Variants in SEC14L5 observed in about 807,000 individuals in gnomAD.
SEC14L5 encodes the protein SEC14 like lipid binding 5, also known as SEC14-like protein 5.
A neutral mutation model predicts 84.6 loss-of-function variants in SEC14L5; 96 were observed. The ratio of observed to expected loss-of-function variants is 1.13; its 90% confidence interval spans 0.96 to 1.34. The LOEUF is 1.34. SEC14L5 is among the 40% of genes most tolerant of loss of function. The pLI, the probability that SEC14L5 is intolerant of heterozygous loss-of-function variation, is 0.00. For synonymous variants in SEC14L5, 546 were observed against 383.4 expected (o/e 1.42, Z -4.95); for missense variants, 1,224 against 942.5 (o/e 1.30, Z -3.91).
In SEC14L5 at chr16:5,006,050, T is replaced by C; in HGVS notation, c.1437+2T>C. ...GACTTCCTTGGGGGAGAGAGTGTGG[T>C]GAGGCTTCCATGTCCACAGACAGAC... On this transcript the variant is annotated splice_donor_variant, in intron 12 of 15. Coordinates refer to ENST00000251170, the MANE Select transcript of SEC14L5 (RefSeq NM_014692.2). LOFTEE classifies it high-confidence loss of function. The C allele has an allele frequency of 6.2e-7, 1 of 1,613,108 alleles. No homozygotes were observed. The highest frequency in any genetic ancestry group is 8.5e-7 in the Non-Finnish European group (1 of 1,179,566).
At chr16:4,960,700 A>G (rs1203260710) in intron 2 of SEC14L5, 3 of 152,140 alleles carry the variant, frequency 2.0e-5, no homozygotes, top group African/African-American at 4.8e-5. Context: ...TCCACTCCCC[A>G]TCACCAATGG....
chr16:4,989,445 C>T (rs1568127398), intron 4 of SEC14L5, among the ~76,000 whole-genome samples: 2 of 152,014 alleles, frequency 1.3e-5, no homozygotes, highest in East Asian at 3.9e-4. Flanking sequence ...GATTCTCTTG[C>T]CTCAGATTCT....
chr16:4,965,326 T>C (rs1955184612), intron 2 of SEC14L5, among the ~76,000 whole-genome samples: 1 of 152,176 alleles, frequency 6.6e-6, no homozygotes, highest in East Asian at 1.9e-4. Context: ...GCTATAAATA[T>C]TTATGCACAA....
Position 5,010,993 on chromosome 16 carries a change from C to A in SEC14L5, c.1801-102C>A, listed in dbSNP as rs980345728. The A allele has an allele frequency of 1.4e-5, 16 of 1,161,016 alleles. No individual in the cohort carries two copies. In the African/African-American group the frequency reaches 1.5e-4, roughly 11 times the overall value. 71.9% of individuals were successfully genotyped at this position (1,161,016 alleles called of 1,614,324 possible). Reference sequence around the variant, plus strand: ...GAGAAAGGGACAGAGGGAGAAGAGCCCCAATTTCCAGGCCTGGTGATGAGA... The same window carrying A: ...GAGAAAGGGACAGAGGGAGAAGAGCACCAATTTCCAGGCCTGGTGATGAGA... On this transcript the variant is annotated intron_variant, in intron 14 of 15. Coordinates refer to ENST00000251170, the MANE Select transcript of SEC14L5 (RefSeq NM_014692.2).
Position 5,008,433 on chromosome 16 carries a change from A to G in SEC14L5, c.1585A>G (p.Ile529Val). ...TGTCTCCACACAGGTGGCCGTGGAG[A>G]TCCTGGAAGGAGAGTCGGTCATCAC... ...RGAPHEVAVE[I>V]LEGESVITWD... Residue 529 changes from isoleucine to valine, a missense_variant, in exon 14 of 16, where the codon ATC (isoleucine) becomes GTC (valine). Coordinates refer to ENST00000251170, the MANE Select transcript of SEC14L5 (RefSeq NM_014692.2). 1 of 1,612,552 alleles carries G rather than the reference A, an allele frequency of 6.2e-7. No individual in the cohort carries two copies. Among genetic ancestry groups the G allele is most frequent in the Non-Finnish European group, 8.5e-7 (1 of 1,179,352 alleles).
intron 6 of SEC14L5, among the ~76,000 whole-genome samples, chr16:4,992,549 G>A (rs1379812973): frequency 3.9e-5 from 6 of 152,200 alleles, no homozygotes; most frequent in Admixed American, 3.9e-4. Context: ...GTTGCACCCG[G>A]CAAAAACTCA....
chr16:4,971,066 C>G (rs1284475533), intron 2 of SEC14L5, among the ~76,000 whole-genome samples: 1 of 148,466 alleles, frequency 6.7e-6, no homozygotes, highest in Non-Finnish European at 1.5e-5. Context: ...GATTGCACCA[C>G]TGCACTCCAG....
At chr16:4,986,945 G>C (rs75552383) in intron 2 of SEC14L5, among the ~76,000 whole-genome samples, 2,057 of 152,156 alleles carry the variant, frequency 0.014, 26 homozygotes, top group Non-Finnish European at 0.022. Context: ...GGATGCTTTA[G>C]GATTTTCTAT....
intron 11 of SEC14L5, among the ~76,000 whole-genome samples, chr16:5,005,416 A>T (rs1285591752): frequency 1.3e-5 from 2 of 151,124 alleles, no homozygotes; most frequent in Non-Finnish European, 3.0e-5. Context: ...ATGGGAAGTG[A>T]CGGTGGGGTG....
rs1955514829 is a variant in SEC14L5 at position 4,988,192 on chromosome 16, T to G, written c.257T>G (p.Leu86Trp). The G allele has an allele frequency of 1.9e-6, 3 of 1,613,822 alleles. No individual in the cohort carries two copies. The highest frequency in any genetic ancestry group is 1.7e-6 in the Non-Finnish European group (2 of 1,179,772). ...GTGGTCTTCGTGCAGACAAACATCT[T>G]GAACTGGAAGGAGAGGACGCTCCTC... Reference protein sequence around the residue: ...EHVVFVQTNILNWKERTLLIE... With the variant: ...EHVVFVQTNIWNWKERTLLIE... Residue 86 changes from leucine (L) to tryptophan (W), a missense_variant, in exon 4 of 16, where the codon TTG becomes TGG. Transcript: ENST00000251170.
At chr16:5,005,550 A>C (rs567026563) in intron 11 of SEC14L5, among the ~76,000 whole-genome samples, 38 of 149,710 alleles carry the variant, frequency 2.5e-4, no homozygotes, top group Non-Finnish European at 4.9e-4. Flanking sequence ...ATGTTGTATA[A>C]ATTATATCTC....
At chr16:4,996,608 A>C (rs545121243) in intron 7 of SEC14L5, 148 bp downstream of exon 7, 1 of 625,284 alleles carries the variant, frequency 1.6e-6, no homozygotes, top group East Asian at 2.8e-5. Context: ...CTGTGAGACA[A>C]AGTCTCACTC....
chr16:4,971,451 C>T (rs1053918537), intron 2 of SEC14L5, among the ~76,000 whole-genome samples: 1 of 152,146 alleles, frequency 6.6e-6, no homozygotes, highest in African/African-American at 2.4e-5. Flanking sequence ...AAAGCAAGAC[C>T]TTGTCTCAAA....
intron 11 of SEC14L5, among the ~76,000 whole-genome samples, chr16:5,005,483 C>T (rs1955720258): frequency 6.6e-6 from 1 of 151,936 alleles, no homozygotes; most frequent in South Asian, 2.1e-4. Flanking sequence ...GCTGGCTGCA[C>T]AAGCTAGTGA....
chr16:4,981,484 G>T (rs1955423376), intron 2 of SEC14L5, among the ~76,000 whole-genome samples: 1 of 152,062 alleles, frequency 6.6e-6, no homozygotes, highest in Non-Finnish European at 1.5e-5. Context: ...AGACTGAGCA[G>T]TAGAAGGAAG....
intron 4 of SEC14L5, 82 bp downstream of exon 4, chr16:4,988,362 C>G: frequency 6.6e-7 from 1 of 1,525,894 alleles, no homozygotes; most frequent in Non-Finnish European, 8.9e-7. Context: ...TGTGTCCCCA[C>G]ATTCCTTGAG....
chr16:4,993,592 C>A (rs1357240582), intron 6 of SEC14L5, among the ~76,000 whole-genome samples: 27 of 152,116 alleles, frequency 1.8e-4, no homozygotes, highest in Admixed American at 1.8e-3. Flanking sequence ...AGGAAACAAC[C>A]CTATTTAGGT....
Position 5,018,848 on chromosome 16 carries a change from T to C in SEC14L5, c.*3878T>C, listed in dbSNP as rs2142546736. On this transcript the variant is annotated 3_prime_UTR_variant, in exon 16 of 16. Transcript: ENST00000251170. The stretch of plus-strand genomic sequence containing the variant: ...TTCCCCCTCCCTGCTGTAAAATTTA[T>C]TGTCCAATGAGAATAGTATAATTGT... 6.6e-6 allele frequency: 1 copy of C among 152,356 alleles called. No individual in the cohort carries two copies. The highest frequency in any genetic ancestry group is 3.4e-3 in the Middle Eastern group (1 of 294). The allele number at this position is 152,356 out of a possible 1,614,324, so 9.4% of individuals were successfully genotyped here.
At chr16:5,000,566 T>G in intron 8 of SEC14L5, 89 bp from the exon 9 acceptor site, 1 of 988,688 alleles carries the variant, frequency 1.0e-6, no homozygotes, top group Non-Finnish European at 1.5e-6. Flanking sequence ...CCTGAGGAGG[T>G]GAAGCTCTCA....
Sources: allele counts gnomAD v4.1 joint callset (sites outside exome capture counted in the v4.1 genomes callset), GRCh38; gene constraint gnomAD v4.1.1; transcripts MANE v1.5; gene names NCBI Gene and HGNC (gene_info 2026-07-23, HGNC 2026-07-21).